Variants in MTUS2 observed in about 807,000 individuals in gnomAD.
The protein encoded by MTUS2 is microtubule associated scaffold protein 2.
MTUS2 carries 40 observed loss-of-function variants against 114.1 expected under a neutral mutation model. That is an observed-to-expected ratio of 0.35 (90% CI 0.27 to 0.46). The LOEUF is 0.46. Ranked by LOEUF, MTUS2 falls within the 20% of genes least tolerant of loss-of-function variation. The pLI is 1.00. For missense variants in MTUS2, 1,679 were observed against 1,705.4 expected, an observed-to-expected ratio of 0.98 and a Z score of 0.27; for synonymous variants, 688 against 672.0, an observed-to-expected ratio of 1.02 and a Z score of -0.37.
At chr13:29,260,319 C>T (rs563371473) in intron 5 of MTUS2, among the ~76,000 whole-genome samples, 22 of 152,200 alleles carry the variant, frequency 1.4e-4, no homozygotes, top group South Asian at 8.3e-4. Context: ...GGTTTTGGAC[C>T]GAGGCTGTCA....
intron 8 of MTUS2, among the ~76,000 whole-genome samples, chr13:29,394,043 TG>T: frequency 6.6e-6 from 1 of 152,320 alleles, no homozygotes; most frequent in Non-Finnish European, 1.5e-5. Flanking sequence ...CTTAGTGATT[TG>T]GGAGCCCCAA....
intron 5 of MTUS2, among the ~76,000 whole-genome samples, chr13:29,121,481 G>A (rs767585602): frequency 6.6e-6 from 1 of 151,936 alleles, no homozygotes; most frequent in Non-Finnish European, 1.5e-5. Flanking sequence ...GAGTGAGTGA[G>A]CACAGGCAGT....
At chr13:29,060,565 TACTA>T (rs1888365716) in intron 4 of MTUS2, among the ~76,000 whole-genome samples, 1 of 147,412 alleles carries the variant, frequency 6.8e-6, no homozygotes. Context: ...TTTTTTTTTT[TACTA>T]TTTACTTGGT....
chr13:28,958,115 A>G (rs1034494057), intron 2 of MTUS2, among the ~76,000 whole-genome samples: 1 of 152,208 alleles, frequency 6.6e-6, no homozygotes, highest in African/African-American at 2.4e-5. Flanking sequence ...ATAAAGTAAG[A>G]AAAAATGTCC....
intron 8 of MTUS2, among the ~76,000 whole-genome samples, chr13:29,360,702 G>A (rs1047755532): frequency 3.5e-5 from 2 of 56,772 alleles, no homozygotes; most frequent in Non-Finnish European, 7.9e-5. Context: ...CCCCCCCCCC[G>A]TAAGAATTAA....
intron 5 of MTUS2, among the ~76,000 whole-genome samples, chr13:29,204,959 G>C (rs544200938): frequency 3.9e-5 from 6 of 152,244 alleles, no homozygotes; most frequent in South Asian, 2.1e-4. Flanking sequence ...GGGGACCAGG[G>C]AAGCTCAAGC....
At chr13:29,366,876 C>T (rs1438198464) in intron 8 of MTUS2, among the ~76,000 whole-genome samples, 3 of 151,984 alleles carry the variant, frequency 2.0e-5, no homozygotes, top group African/African-American at 7.2e-5. Flanking sequence ...TCTTGGAGTA[C>T]CTTCTTATGT....
At chr13:29,409,627 T>TCTATCA (rs988525030) in intron 8 of MTUS2, among the ~76,000 whole-genome samples, 1 of 152,202 alleles carries the variant, frequency 6.6e-6, no homozygotes, top group Non-Finnish European at 1.5e-5. Flanking sequence ...GATTAGCTGG[T>TCTATCA]CTATCACCCC....
intron 8 of MTUS2, among the ~76,000 whole-genome samples, chr13:29,387,499 G>A (rs577249495): frequency 2.6e-5 from 4 of 152,318 alleles, no homozygotes; most frequent in Admixed American, 2.6e-4. Flanking sequence ...CTGTGGGGCA[G>A]ACATGTGACA....
At chr13:29,330,862 G>A (rs1322883977) in intron 7 of MTUS2, among the ~76,000 whole-genome samples, 1 of 152,164 alleles carries the variant, frequency 6.6e-6, no homozygotes, top group Non-Finnish European at 1.5e-5. Context: ...TTGAAGTCAG[G>A]TAGCGTGATG....
chr13:29,171,369 T>C (rs1428845002), intron 5 of MTUS2, among the ~76,000 whole-genome samples: 4 of 152,180 alleles, frequency 2.6e-5, no homozygotes, highest in Non-Finnish European at 5.9e-5. Flanking sequence ...CTGTGGACTT[T>C]GTAGGTTGTT....
intron 2 of MTUS2, among the ~76,000 whole-genome samples, chr13:28,895,520 A>G (rs1260370677): frequency 6.6e-6 from 1 of 152,204 alleles, no homozygotes; most frequent in Admixed American, 6.5e-5. Context: ...TAGATTAAAT[A>G]GTATTATTAG....
intron 6 of MTUS2, among the ~76,000 whole-genome samples, chr13:29,283,041 G>C (rs564779604): frequency 6.6e-6 from 1 of 152,326 alleles, no homozygotes; most frequent in African/African-American, 2.4e-5. Context: ...GTTCCCTGGA[G>C]TGGTGTTGCT....
chr13:29,359,609 G>C, intron 8 of MTUS2, 136 bp downstream of exon 8: 2 of 966,200 alleles, frequency 2.1e-6, no homozygotes, highest in Non-Finnish European at 3.0e-6. Context: ...CAGGAGTTCA[G>C]GCAGAATCTC....
intron 8 of MTUS2, among the ~76,000 whole-genome samples, chr13:29,365,429 ACC>A: frequency 6.6e-6 from 1 of 152,006 alleles, no homozygotes; most frequent in Non-Finnish European, 1.5e-5. Context: ...GAGAACAGAT[ACC>A]TGACCAAGGT....
chr13:29,206,990 C>T (rs911676366), intron 5 of MTUS2, among the ~76,000 whole-genome samples: 4 of 152,082 alleles, frequency 2.6e-5, no homozygotes, highest in Non-Finnish European at 4.4e-5. Context: ...TTGTAGATTG[C>T]TTTTGGCAGT....
intron 8 of MTUS2, among the ~76,000 whole-genome samples, chr13:29,400,441 A>G (rs1025926967): frequency 6.6e-6 from 1 of 152,246 alleles, no homozygotes; most frequent in Non-Finnish European, 1.5e-5. Flanking sequence ...TAAGCAGCAC[A>G]GAAATTGTGA....
rs947025025 is a variant in MTUS2, at chr13:29,487,717, G to A, written c.3400-183G>A. The A allele has an allele frequency of 4.9e-6, 3 of 611,862 alleles. No homozygotes were observed. In the African/African-American group the frequency reaches 5.5e-5, roughly 11 times the overall value. 37.9% of individuals were successfully genotyped at this position (611,862 alleles called of 1,614,324 possible). ...CCCCCCTACAAAGAGCCAGGTTGTGGCAGTGACCTCCCCGTGATTCCGAGG... is the reference window on the plus strand; with the variant it reads ...CCCCCCTACAAAGAGCCAGGTTGTGACAGTGACCTCCCCGTGATTCCGAGG... On this transcript the variant is annotated intron_variant, in intron 10 of 15. Coordinates refer to ENST00000612955, the MANE Select transcript of MTUS2 (RefSeq NM_001033602.4).
At chr13:29,268,503 C>T (rs1202870737) in intron 5 of MTUS2, among the ~76,000 whole-genome samples, 2 of 152,086 alleles carry the variant, frequency 1.3e-5, no homozygotes, top group East Asian at 3.9e-4. Context: ...TCTGCTTTCT[C>T]CTCCTCCTGT....
Sources: gnomAD v4.1 joint callset for allele counts (sites outside exome capture counted in the v4.1 genomes callset) on GRCh38, gnomAD v4.1.1 for gene constraint, MANE v1.5 for transcripts, NCBI Gene and HGNC (gene_info 2026-07-23, HGNC 2026-07-21) for gene names.